SULT2B1: variants seen among roughly 807,000 people sequenced by gnomAD.
SULT2B1 encodes the protein sulfotransferase family 2B member 1, also known as sulfotransferase 2B1.
Under a neutral mutation model 33.2 loss-of-function variants are expected in SULT2B1, and 16 were observed. The observed-to-expected ratio is 0.48, with a 90% CI of 0.33 to 0.73. The LOEUF is 0.73. Ranked by LOEUF, SULT2B1 falls within the 30% of genes least tolerant of loss-of-function variation. The probability of loss-of-function intolerance (pLI) is 0.02; values close to 1 mark genes in which losing one functional copy is unlikely to be tolerated. For synonymous variants in SULT2B1, 186 were observed against 200.5 expected (o/e 0.93, Z 0.61); for missense variants, 500 against 506.0 (o/e 0.99, Z 0.11).
intron 1 of SULT2B1, among the ~76,000 whole-genome samples, chr19:48,562,386 CAAA>C (rs752412445): frequency 6.0e-5 from 8 of 132,768 alleles, no homozygotes; most frequent in African/African-American, 1.9e-4. Context: ...AACTCTGTCT[CAAA>C]AAAAAAAAAA....
chr19:48,566,882 A>C (rs1973250483), intron 1 of SULT2B1, among the ~76,000 whole-genome samples: 1 of 151,898 alleles, frequency 6.6e-6, no homozygotes, highest in African/African-American at 2.4e-5. Context: ...ACACACCTGT[A>C]ATCCCAGCTT....
At chr19:48,596,990 CCT>C in intron 6 of SULT2B1, 71 bp downstream of exon 6, 1 of 1,412,168 alleles carries the variant, frequency 7.1e-7, no homozygotes, top group Non-Finnish European at 9.5e-7. Flanking sequence ...AGTTACTTAA[CCT>C]CTCTGGGCCT....
chr19:48,555,582 C>T (rs1169106806), intron 1 of SULT2B1, among the ~76,000 whole-genome samples: 1 of 134,920 alleles, frequency 7.4e-6, no homozygotes, highest in East Asian at 2.6e-4. Context: ...CTCTCTCTCT[C>T]TCTCTCTTTT....
At chr19:48,583,007 C>T (rs1353844676) in intron 2 of SULT2B1, among the ~76,000 whole-genome samples, 1 of 107,152 alleles carries the variant, frequency 9.3e-6, no homozygotes, top group South Asian at 2.5e-4. Flanking sequence ...AAAAATTAGC[C>T]AGGCGTGGTC....
intron 5 of SULT2B1, chr19:48,595,822 A>G (rs553239646): frequency 6.6e-6 from 1 of 151,878 alleles, no homozygotes; most frequent in Non-Finnish European, 1.5e-5. Flanking sequence ...GCCCGCCACC[A>G]CACCCAGCTA....
intron 2 of SULT2B1, among the ~76,000 whole-genome samples, chr19:48,584,125 C>T (rs993099086): frequency 6.6e-6 from 1 of 152,162 alleles, no homozygotes; most frequent in Admixed American, 6.6e-5. Context: ...AAACAAAAAA[C>T]ACCACACACA....
Position 48,587,233 on chromosome 19 carries a change from G to C in SULT2B1, c.219G>C (p.Thr73=), listed in dbSNP as rs367706728. ...IFIITYPKSG[T]TWMIEIICLI... ...CTGCTCGATTTCTCCCAACAGGCAC[G>C]ACCTGGATGATCGAGATCATCTGCT... The change falls in exon 3 of 7, where the codon ACG becomes ACC. Residue 73 remains threonine, a synonymous_variant. Coordinates refer to ENST00000201586, the MANE Select transcript of SULT2B1 (RefSeq NM_177973.2). 9 of 1,609,706 alleles carry C rather than the reference G, an allele frequency of 5.6e-6. No individual in the cohort carries two copies. The Admixed American group carries it at 6.7e-5, about 12-fold the overall frequency.
intron 1 of SULT2B1, among the ~76,000 whole-genome samples, chr19:48,563,954 C>T (rs2147601132): frequency 7.8e-6 from 1 of 127,572 alleles, no homozygotes; most frequent in South Asian, 2.4e-4. Context: ...ACAGAGACTT[C>T]CTCTCAAAAA....
chr19:48,577,806 C>T (rs1173587635), intron 2 of SULT2B1, among the ~76,000 whole-genome samples: 2 of 152,182 alleles, frequency 1.3e-5, no homozygotes, highest in African/African-American at 4.8e-5. Flanking sequence ...TGCAACTCTC[C>T]AGACAGACTG....
At chr19:48,560,502 G>A (rs1415936748) in intron 1 of SULT2B1, among the ~76,000 whole-genome samples, 1 of 151,652 alleles carries the variant, frequency 6.6e-6, no homozygotes, top group East Asian at 1.9e-4. Flanking sequence ...CACCCTTATG[G>A]TTTCCATGAC....
chr19:48,552,518 C>G lies in SULT2B1; in HGVS notation c.71+195C>G, dbSNP rs142760384. On this transcript the variant is annotated intron_variant, in intron 1 of 6. Transcript: ENST00000201586. This position sits in a 1 kb window ranked among gnomAD's most constrained non-coding sequence, Gnocchi z 4.8. ...TCCCTCCTGAGAAGGGAGTGAGGAC[C>G]CGACCGTGTTGAGTCACCAGTGGGG... 6.6e-6 allele frequency among the ~76,000 whole-genome samples: 1 copy of G among 152,250 alleles called. No individual in the cohort carries two copies. The highest frequency in any genetic ancestry group is 1.9e-4 in the East Asian group (1 of 5,180).
intron 3 of SULT2B1, chr19:48,591,048 G>C (rs188267860): frequency 6.6e-6 from 1 of 152,384 alleles, no homozygotes; most frequent in Admixed American, 6.5e-5. Context: ...GTCCAGGCTG[G>C]TCTCAAACTC....
intron 2 of SULT2B1, among the ~76,000 whole-genome samples, chr19:48,586,514 C>T (rs542854532): frequency 3.3e-5 from 5 of 152,224 alleles, no homozygotes; most frequent in Non-Finnish European, 5.9e-5. Context: ...TGGAAATAGC[C>T]GCACATCACA....
At chr19:48,582,854 A>G (rs1466692759) in intron 2 of SULT2B1, among the ~76,000 whole-genome samples, 1 of 150,938 alleles carries the variant, frequency 6.6e-6, no homozygotes, top group Non-Finnish European at 1.5e-5. Context: ...AAATAAAATG[A>G]AAAAAGAATT....
chr19:48,567,956 C>T (rs11083942), intron 1 of SULT2B1, among the ~76,000 whole-genome samples: 62,637 of 151,296 alleles, frequency 0.41, 14,140 homozygotes, highest in South Asian at 0.58. Context: ...GCCTGAGCAA[C>T]AGAGCAAGGC....
chr19:48,585,048 C>CAAAAAAAAAAAAAAA (rs57540837), intron 2 of SULT2B1, among the ~76,000 whole-genome samples: 4 of 62,246 alleles, frequency 6.4e-5, no homozygotes, highest in African/African-American at 2.9e-4. Context: ...GACTCCTTCT[C>CAAAAAAAAAAAAAAA]AAAAAAAAAA....
chr19:48,588,946 C>A (rs1008021293), intron 3 of SULT2B1, among the ~76,000 whole-genome samples: 1 of 152,150 alleles, frequency 6.6e-6, no homozygotes, highest in Non-Finnish European at 1.5e-5. Flanking sequence ...GCAACAGGGG[C>A]CAAAATGTGC....
At chr19:48,565,500 C>A (rs759033582) in intron 1 of SULT2B1, among the ~76,000 whole-genome samples, 1 of 151,932 alleles carries the variant, frequency 6.6e-6, no homozygotes, top group Non-Finnish European at 1.5e-5. Flanking sequence ...CTGCCTCAGC[C>A]TCCCGAGTAG....
At chr19:48,561,571 G>A (rs915775186) in intron 1 of SULT2B1, among the ~76,000 whole-genome samples, 1 of 152,140 alleles carries the variant, frequency 6.6e-6, no homozygotes, top group African/African-American at 2.4e-5. Context: ...AGCCCCAGGC[G>A]ACAGGCGTCG....
Sources: allele counts gnomAD v4.1 joint callset (sites outside exome capture counted in the v4.1 genomes callset), GRCh38; gene constraint gnomAD v4.1.1; non-coding constraint Gnocchi (gnomAD v3.1); transcripts MANE v1.5; gene names NCBI Gene and HGNC (gene_info 2026-07-23, HGNC 2026-07-21).